Variants in TBC1D31 observed in about 807,000 individuals in gnomAD.
TBC1D31 encodes the protein TBC1 domain family member 31, also known as WD repeat domain 67.
Under a neutral mutation model 132.9 loss-of-function variants are expected in TBC1D31, and 99 were observed. The ratio of observed to expected loss-of-function variants is 0.74; its 90% CI spans 0.63 to 0.88. TBC1D31 has a LOEUF of 0.88. TBC1D31 is among the 40% of genes least tolerant of loss of function. The probability of loss-of-function intolerance (pLI) is 0.00; values close to 1 mark genes in which losing one functional copy is unlikely to be tolerated. For missense variants in TBC1D31, 1,134 were observed against 1,256.6 expected (o/e 0.90, Z 1.48); for synonymous variants, 385 against 419.4 (o/e 0.92, Z 1.00).
chr8:123,090,731 TAGACCAGCCTGGCCAACA>T (rs913470517), intron 4 of TBC1D31, among the ~76,000 whole-genome samples: 5 of 152,028 alleles, frequency 3.3e-5, no homozygotes, highest in African/African-American at 1.2e-4. Flanking sequence ...TCAGGAGTTC[TAGACCAGCCTGGCCAACA>T]AGACCAGCCT....
chr8:123,129,111 T>C lies in TBC1D31; in HGVS notation c.2163T>C (p.Val721=). The C allele has an allele frequency of 6.2e-7, 1 of 1,609,850 alleles. No individual in the cohort carries two copies. The highest frequency in any genetic ancestry group is 8.5e-7 in the Non-Finnish European group (1 of 1,177,154). The part of the protein sequence containing the change: ...DMQAKVDQQR[V]EDEAWYQKQE... ...AAGCTAAAGTCGACCAGCAAAGAGT[T>C]GAAGATGAAGCTTGGTACCAGAAAC... The change falls in exon 15 of 22, where the codon GTT becomes GTC. Residue 721 remains valine (V), a synonymous_variant. Coordinates refer to ENST00000287380, the MANE Select transcript of TBC1D31 (RefSeq NM_145647.4).
chr8:123,142,318 GAT>G lies in TBC1D31; in HGVS notation c.2698_2699del (p.Ile900SerfsTer5), dbSNP rs1821780736. ...EQACLNTDWQ[I>X]QSLHKQKCDD... ...AAGCATGCCTAAATACCGACTGGCA[GAT>G]TCAGTCTTTACATAAACAAAAATGT... is the stretch of plus-strand genomic sequence containing the variant. On this transcript the variant is annotated frameshift_variant, in exon 19 of 22. Coordinates refer to ENST00000287380, the MANE Select transcript of TBC1D31 (RefSeq NM_145647.4). LOFTEE classifies it high-confidence loss of function. 6.2e-7 allele frequency: 1 copy of G among 1,605,038 alleles called. No homozygotes were observed. Among genetic ancestry groups the G allele is most frequent in the Non-Finnish European group, 8.5e-7 (1 of 1,177,160 alleles).
chr8:123,162,360 G>A, the TBC1D31 span, among the ~76,000 whole-genome samples: 1 of 152,104 alleles, frequency 6.6e-6, no homozygotes, highest in East Asian at 1.9e-4. Flanking sequence ...CTGGCTGACT[G>A]AGCAGGGTAA....
intron 11 of TBC1D31, among the ~76,000 whole-genome samples, chr8:123,120,842 A>G (rs985829164): frequency 8.6e-5 from 13 of 151,742 alleles, no homozygotes; most frequent in Non-Finnish European, 1.2e-4. Flanking sequence ...TTCATGTTAT[A>G]TATATTTCCC....
At chr8:123,091,612 G>C (rs976519390) in intron 4 of TBC1D31, among the ~76,000 whole-genome samples, 2 of 152,030 alleles carry the variant, frequency 1.3e-5, no homozygotes, top group African/African-American at 4.8e-5. Flanking sequence ...AGTTGAGTTC[G>C]TATTTTTTAT....
downstream of TBC1D31, among the ~76,000 whole-genome samples, chr8:123,153,126 A>G (rs1822896802): frequency 1.3e-5 from 2 of 152,294 alleles, no homozygotes; most frequent in South Asian, 4.1e-4. Context: ...GGTGACTGCA[A>G]ACATATGCCT....
chr8:123,140,909 TATG>T lies in TBC1D31; in HGVS notation c.2640+11_2640+13del. ...AGCCAGAAAACTCAGAAGGTAAAAATATGATCCATTTAGTATACATGCAGAGGA... is the reference window on the plus strand; with the variant it reads ...AGCCAGAAAACTCAGAAGGTAAAAATATCCATTTAGTATACATGCAGAGGA... On this transcript the variant is annotated intron_variant, in intron 18 of 21. Transcript: ENST00000287380. 6.2e-7 allele frequency: 1 copy of T among 1,612,636 alleles called. No individual in the cohort carries two copies.
At chr8:123,159,493 A>G in the TBC1D31 span, among the ~76,000 whole-genome samples, 10 of 152,216 alleles carry the variant, frequency 6.6e-5, no homozygotes, top group Admixed American at 2.0e-4. Flanking sequence ...TAGTATTTGC[A>G]CACAGAAAGC....
chr8:123,128,009 G>A (rs1820241812), intron 13 of TBC1D31: 1 of 238,912 alleles, frequency 4.2e-6, no homozygotes, highest in Admixed American at 5.5e-5. Flanking sequence ...TCCAAGCAGA[G>A]TTTGTTCCAT....
chr8:123,097,522 T>C (rs1816947140), intron 6 of TBC1D31, 81 bp downstream of exon 6: 1 of 1,386,318 alleles, frequency 7.2e-7, no homozygotes, highest in African/African-American at 1.4e-5. Context: ...CTTATTTATT[T>C]AACTTACACC....
chr8:123,163,284 T>C, the TBC1D31 span, among the ~76,000 whole-genome samples: 1 of 151,860 alleles, frequency 6.6e-6, no homozygotes, highest in Non-Finnish European at 1.5e-5. Context: ...CTATTTTAAG[T>C]GTACAAGTAA....
At chr8:123,146,185 T>TA (rs1822195179) in intron 20 of TBC1D31, among the ~76,000 whole-genome samples, 1 of 152,190 alleles carries the variant, frequency 6.6e-6, no homozygotes, top group African/African-American at 2.4e-5. Context: ...TTCACCTATT[T>TA]AAAGTGTATT....
intron 17 of TBC1D31, among the ~76,000 whole-genome samples, chr8:123,138,367 G>T (rs1821302319): frequency 7.0e-6 from 1 of 143,432 alleles, no homozygotes; most frequent in African/African-American, 2.7e-5. Context: ...ATAATTGAAA[G>T]ATATTTTTAT....
rs557192972 is a variant in TBC1D31 at position 123,143,036 on chromosome 8, A to G, written c.2835+580A>G. 3.9e-5 allele frequency among the ~76,000 whole-genome samples: 6 copies of G among 152,298 alleles called. No individual in the cohort carries two copies. The South Asian group carries it at 1.2e-3, about 32-fold the overall frequency. Reference sequence around the variant, plus strand: ...GCTCCAAGGTTATCAGGGAAATGCCATCTTTCAGCCTTTCTGCACCTCTTC... The same window carrying G: ...GCTCCAAGGTTATCAGGGAAATGCCGTCTTTCAGCCTTTCTGCACCTCTTC... On this transcript the variant is annotated intron_variant, in intron 19 of 21. Transcript: ENST00000287380.
the TBC1D31 span, among the ~76,000 whole-genome samples, chr8:123,163,014 A>G: frequency 6.6e-6 from 1 of 152,110 alleles, no homozygotes; most frequent in African/African-American, 2.4e-5. Flanking sequence ...TATTTTTAGT[A>G]GAAACAGGGT....
intron 20 of TBC1D31, among the ~76,000 whole-genome samples, chr8:123,145,722 A>G (rs1431761729): frequency 6.6e-6 from 1 of 151,598 alleles, no homozygotes; most frequent in African/African-American, 2.4e-5. Flanking sequence ...TCCAAAAATT[A>G]TAGAGTACAG....
chr8:123,142,142 TA>T, intron 18 of TBC1D31, 119 bp from the exon 19 acceptor site: 1 of 638,596 alleles, frequency 1.6e-6, no homozygotes, highest in Non-Finnish European at 2.5e-6. Context: ...CAGGTGATTC[TA>T]ATATGCAGCC....
rs758447686 is a variant in TBC1D31 at position 123,129,054 on chromosome 8, T to C, written c.2118-12T>C. The C allele has an allele frequency of 6.5e-7, 1 of 1,527,118 alleles. No homozygotes were observed. 94.6% of individuals were successfully genotyped at this position (1,527,118 alleles called of 1,614,324 possible). A position where few individuals can be genotyped will look rare whatever the true frequency, so the allele number is the denominator to read the frequency against. ...CTTCTTTGTGTTTTCATAATAATAT[T>C]ACCTACTTAAGGCAGACAGTTGAAG... On this transcript the variant is annotated splice_polypyrimidine_tract_variant and intron_variant, in intron 14 of 21. Coordinates refer to ENST00000287380, the MANE Select transcript of TBC1D31 (RefSeq NM_145647.4).
At chr8:123,091,114 A>G (rs758703571) in intron 4 of TBC1D31, among the ~76,000 whole-genome samples, 29 of 152,190 alleles carry the variant, frequency 1.9e-4, no homozygotes, top group Admixed American at 7.9e-4. Context: ...TACTTTGTTA[A>G]TGTTTTGAAG....
Sources: gnomAD v4.1 joint callset for allele counts (sites outside exome capture counted in the v4.1 genomes callset) on GRCh38, gnomAD v4.1.1 for gene constraint, MANE v1.5 for transcripts, NCBI Gene and HGNC (gene_info 2026-07-23, HGNC 2026-07-21) for gene names.